The following DLG2 variants were observed in gnomAD, a reference collection of about 807,000 sequenced individuals.
The protein encoded by DLG2 is disks large homolog 2.
DLG2 carries 45 observed loss-of-function variants against 132.5 expected under a neutral mutation model. The ratio of observed to expected loss-of-function variants is 0.34; its 90% confidence interval spans 0.27 to 0.44. The LOEUF (loss-of-function observed/expected upper bound fraction) is 0.44, where lower values mean the gene tolerates loss of function less well. Among genes scored for constraint, DLG2 ranks in the 20% least tolerant of loss-of-function variants. The pLI, the probability that DLG2 is intolerant of heterozygous loss-of-function variation, is 1.00. For missense variants in DLG2, 1,045 were observed against 1,196.9 expected, an observed-to-expected ratio of 0.87 and a Z score of 1.87; for synonymous variants, 424 against 419.6, an observed-to-expected ratio of 1.01 and a Z score of -0.13.
chr11:83,483,832 G>A (rs1395382753), intron 22 of DLG2, among the ~76,000 whole-genome samples: 1 of 152,148 alleles, frequency 6.6e-6, no homozygotes, highest in East Asian at 1.9e-4. Context: ...TCAAGACTTA[G>A]AGGGTTGCAT....
At chr11:84,709,790 C>A (rs1419463565) in intron 6 of DLG2, among the ~76,000 whole-genome samples, 1 of 151,904 alleles carries the variant, frequency 6.6e-6, no homozygotes, top group East Asian at 1.9e-4. Flanking sequence ...CCCACTACTA[C>A]TTTCAACACT....
intron 8 of DLG2, among the ~76,000 whole-genome samples, chr11:84,226,214 C>T (rs985935973): frequency 6.6e-6 from 1 of 152,324 alleles, no homozygotes; most frequent in East Asian, 1.9e-4. Flanking sequence ...AAGTCCCTAA[C>T]ATAAATATTT....
chr11:84,856,042 A>T (rs2154025419), intron 6 of DLG2, among the ~76,000 whole-genome samples: 1 of 152,114 alleles, frequency 6.6e-6, no homozygotes, highest in East Asian at 1.9e-4. Flanking sequence ...GGGTTGCATA[A>T]AAAATTCCAA....
chr11:85,009,601 CTT>C (rs1159843049), intron 6 of DLG2, among the ~76,000 whole-genome samples: 1 of 151,980 alleles, frequency 6.6e-6, no homozygotes, highest in Non-Finnish European at 1.5e-5. Flanking sequence ...AATGTAGAAA[CTT>C]TTTTTCTGTT....
rs114680506 is a variant in DLG2 at position 84,660,015 on chromosome 11, A to G, written c.358-125284T>C. ...ATTGATGTCTGACAACATGCACAAAATATTACCAACCAGGAAAGCTCACTT... is the reference window on the plus strand; with the variant it reads ...ATTGATGTCTGACAACATGCACAAAGTATTACCAACCAGGAAAGCTCACTT... On this transcript the variant is annotated intron_variant, in intron 6 of 27. Transcript: ENST00000376104. Among the ~76,000 whole-genome samples the G allele has an allele frequency of 1.3e-3, 204 of 152,238 alleles. 1 individual carries two copies. Among genetic ancestry groups the G allele is most frequent in the African/African-American group, 4.4e-3 (181 of 41,562 alleles).
intron 6 of DLG2, among the ~76,000 whole-genome samples, chr11:84,772,274 T>C (rs538049048): frequency 3.1e-4 from 47 of 152,244 alleles, no homozygotes; most frequent in Non-Finnish European, 5.9e-4. Flanking sequence ...GCACTCAGCA[T>C]TGGAGCACCC....
At chr11:83,496,073 A>G (rs772395219) in intron 21 of DLG2, among the ~76,000 whole-genome samples, 26 of 152,040 alleles carry the variant, frequency 1.7e-4, no homozygotes, top group Non-Finnish European at 2.9e-4. Flanking sequence ...TGTTTGCAAT[A>G]TATATATCTG....
chr11:84,555,604 T>A (rs1234664202), intron 6 of DLG2, among the ~76,000 whole-genome samples: 1 of 152,190 alleles, frequency 6.6e-6, no homozygotes, highest in Non-Finnish European at 1.5e-5. Context: ...ATGAAGTGCC[T>A]ACAGTGGTGA....
chr11:84,314,681 A>T (rs2098336698), intron 7 of DLG2, among the ~76,000 whole-genome samples: 1 of 152,000 alleles, frequency 6.6e-6, no homozygotes, highest in Non-Finnish European at 1.5e-5. Flanking sequence ...GAAATAATAT[A>T]GAACTCTAAT....
At chr11:85,130,255 T>C (rs574269403) in intron 5 of DLG2, among the ~76,000 whole-genome samples, 1 of 152,282 alleles carries the variant, frequency 6.6e-6, no homozygotes, top group South Asian at 2.1e-4. Context: ...TATATTACCA[T>C]TATACAATTA....
At chr11:84,749,377 A>G (rs568109081) in intron 6 of DLG2, among the ~76,000 whole-genome samples, 27 of 152,336 alleles carry the variant, frequency 1.8e-4, no homozygotes, top group Non-Finnish European at 1.6e-4. Flanking sequence ...ATGTGCTGCC[A>G]TAACAACGTT....
intron 11 of DLG2, among the ~76,000 whole-genome samples, chr11:84,057,504 C>T (rs182014943): frequency 6.6e-6 from 1 of 152,130 alleles, no homozygotes; most frequent in East Asian, 1.9e-4. Context: ...TCTTTCATAC[C>T]ACTAGAGACT....
intron 10 of DLG2, among the ~76,000 whole-genome samples, chr11:84,074,546 T>C (rs1566359138): frequency 6.6e-6 from 1 of 151,230 alleles, no homozygotes; most frequent in Admixed American, 6.6e-5. Context: ...TTTTTTTTTT[T>C]GAGGTGGAGT....
rs532605002 is a variant in DLG2, at chr11:83,654,046, T to C, written c.1826-20721A>G. ...AGAATTTTTTTTTTTAACTAGTGAA[T>C]ATTAAATTTTGAAGTGCTGAATTTA... On this transcript the variant is annotated intron_variant, in intron 18 of 27. Coordinates refer to ENST00000376104, the MANE Select transcript of DLG2 (RefSeq NM_001142699.3). Among the ~76,000 whole-genome samples the C allele has an allele frequency of 4.1e-4, 63 of 152,230 alleles. 1 individual carries two copies. The highest frequency in any genetic ancestry group is 1.4e-3 in the African/African-American group (58 of 41,544).
intron 11 of DLG2, among the ~76,000 whole-genome samples, chr11:83,986,886 T>C (rs1253914447): frequency 7.9e-5 from 12 of 152,316 alleles, no homozygotes; most frequent in African/African-American, 2.6e-4. Context: ...TCATGTCCTT[T>C]GCCCACTTTT....
At chr11:84,343,431 G>A (rs2098524887) in intron 7 of DLG2, among the ~76,000 whole-genome samples, 1 of 152,170 alleles carries the variant, frequency 6.6e-6, no homozygotes. Context: ...GCCTTCTCTT[G>A]TTATTCACTG....
intron 16 of DLG2, among the ~76,000 whole-genome samples, chr11:83,853,491 C>T (rs919907046): frequency 6.6e-6 from 1 of 152,084 alleles, no homozygotes; most frequent in African/African-American, 2.4e-5. Context: ...GTTTCTGCTC[C>T]CAAGAAGTTC....
At chr11:84,514,050 C>A (rs996555973) in intron 7 of DLG2, among the ~76,000 whole-genome samples, 1 of 152,004 alleles carries the variant, frequency 6.6e-6, no homozygotes, top group African/African-American at 2.4e-5. Flanking sequence ...AGACATTTCT[C>A]AAAAGAAGCC....
chr11:85,154,577 A>AT lies in DLG2; in HGVS notation c.260dup (p.Asn87LysfsTer2). 2 of 1,523,402 alleles carry AT rather than the reference A, an allele frequency of 1.3e-6. No homozygotes were observed. Among genetic ancestry groups the AT allele is most frequent in the Non-Finnish European group, 1.8e-6 (2 of 1,122,522 alleles). The allele number at this position is 1,523,402 out of a possible 1,614,324, so 94.4% of individuals were successfully genotyped here. On this transcript the variant is annotated frameshift_variant, in exon 5 of 28. Transcript: ENST00000376104. LOFTEE classifies it high-confidence loss of function. ...TTACAGTTGTCGTCTCATCAGTTTC[A>AT]TTTTCAAAACTCTGATTTTCTTTAT...
Sources: gnomAD v4.1 joint callset for allele counts (sites outside exome capture counted in the v4.1 genomes callset) on GRCh38, gnomAD v4.1.1 for gene constraint, MANE v1.5 for transcripts, NCBI Gene and HGNC (gene_info 2026-07-23, HGNC 2026-07-21) for gene names.